Variants in ACER3 observed in about 807,000 individuals in gnomAD.
ACER3 encodes the protein alkaline ceramidase 3, also known as alkCDase 3.
Under a neutral mutation model 48.9 loss-of-function variants are expected in ACER3, and 16 were observed. That is an observed-to-expected ratio of 0.33 (90% confidence interval 0.22 to 0.50). The LOEUF is 0.50. ACER3 is among the 20% of genes least tolerant of loss of function. The pLI, the probability that ACER3 is intolerant of heterozygous loss-of-function variation, is 0.98. For missense variants in ACER3, 227 were observed against 326.0 expected, an observed-to-expected ratio of 0.70 and a Z score of 2.34; for synonymous variants, 109 against 107.8, an observed-to-expected ratio of 1.01 and a Z score of -0.07.
At chr11:76,959,363 C>T (rs1421895255) in intron 3 of ACER3, among the ~76,000 whole-genome samples, 1 of 152,064 alleles carries the variant, frequency 6.6e-6, no homozygotes, top group African/African-American at 2.4e-5. Flanking sequence ...TCTGAGATAC[C>T]TGCATTCTTT....
At chr11:76,964,737 C>A (rs1396793111) in intron 3 of ACER3, among the ~76,000 whole-genome samples, 1 of 151,306 alleles carries the variant, frequency 6.6e-6, no homozygotes, top group East Asian at 1.9e-4. Context: ...CTCCAACAGA[C>A]CTGCAGCTGA....
intron 6 of ACER3, among the ~76,000 whole-genome samples, chr11:76,991,833 GAAAGA>G (rs1948810609): frequency 9.6e-6 from 1 of 103,654 alleles, no homozygotes; most frequent in Non-Finnish European, 2.2e-5. Flanking sequence ...AAAAAAAAAA[GAAAGA>G]AAAGAAAAGA....
intron 1 of ACER3, among the ~76,000 whole-genome samples, chr11:76,908,406 C>CAGCAA (rs1243767237): frequency 2.0e-5 from 3 of 152,142 alleles, no homozygotes; most frequent in Non-Finnish European, 2.9e-5. Context: ...AGCAAAGTCT[C>CAGCAA]AGGATACAAA....
chr11:76,886,017 A>G (rs1367286356), intron 1 of ACER3, among the ~76,000 whole-genome samples: 2 of 152,252 alleles, frequency 1.3e-5, no homozygotes, highest in Non-Finnish European at 2.9e-5. Flanking sequence ...CAAATAAACA[A>G]TTAACCAAGT....
chr11:76,957,370 A>T (rs1947867721), intron 2 of ACER3: 1 of 332,952 alleles, frequency 3.0e-6, no homozygotes, highest in South Asian at 2.3e-5. Context: ...TTTGGATATT[A>T]AACCTTTGAT....
At chr11:76,901,154 C>T (rs1946072664) in intron 1 of ACER3, among the ~76,000 whole-genome samples, 1 of 151,760 alleles carries the variant, frequency 6.6e-6, no homozygotes, top group African/African-American at 2.4e-5. Context: ...AATGGTCCTT[C>T]GGATCCCCTG....
intron 1 of ACER3, among the ~76,000 whole-genome samples, chr11:76,862,191 T>C (rs7119361): frequency 0.73 from 110,382 of 151,948 alleles, 40,505 homozygotes; most frequent in African/African-American, 0.78. Context: ...TTGAGTCCTG[T>C]TCTCAGGCAT....
At chr11:76,959,120 A>T (rs1158016511) in intron 3 of ACER3, 89 bp downstream of exon 3, 2 of 1,599,030 alleles carry the variant, frequency 1.3e-6, no homozygotes, top group East Asian at 2.2e-5. Flanking sequence ...TATGGCTAAA[A>T]GATGGGATTT....
chr11:77,023,110 C>T lies in ACER3; in HGVS notation c.*2783C>T, dbSNP rs1949497647. 7.0e-5 allele frequency: 28 copies of T among 398,584 alleles called. No homozygotes were observed. The East Asian group carries it at 1.0e-3, about 14-fold the overall frequency. 24.7% of individuals were successfully genotyped at this position (398,584 alleles called of 1,614,324 possible). ...ATGGTGTTTCATGAAACATCCCCAC[C>T]ACCTGAAGTGATCTTTTTAATCCTT... On this transcript the variant is annotated 3_prime_UTR_variant, in exon 11 of 11. Coordinates refer to ENST00000532485, the MANE Select transcript of ACER3 (RefSeq NM_018367.7).
chr11:76,933,621 T>G (rs1947079214), intron 2 of ACER3, among the ~76,000 whole-genome samples: 1 of 152,020 alleles, frequency 6.6e-6, no homozygotes. Context: ...ATCAACAGGA[T>G]CCCAAGGCAG....
intron 1 of ACER3, among the ~76,000 whole-genome samples, chr11:76,911,514 T>G (rs759542132): frequency 6.6e-6 from 1 of 152,210 alleles, no homozygotes; most frequent in Non-Finnish European, 1.5e-5. Flanking sequence ...ACCTCCTGTC[T>G]TGTTCCGTGA....
chr11:76,969,299 G>A (rs952584524), intron 3 of ACER3, among the ~76,000 whole-genome samples: 5 of 152,276 alleles, frequency 3.3e-5, no homozygotes, highest in African/African-American at 9.6e-5. Context: ...GAAACAACAC[G>A]TGCTGGAGAG....
intron 1 of ACER3, among the ~76,000 whole-genome samples, chr11:76,892,062 G>A (rs1945820791): frequency 6.6e-6 from 1 of 152,088 alleles, no homozygotes; most frequent in Admixed American, 6.6e-5. Context: ...ACAGCTTCTT[G>A]TTAAAGGGAT....
chr11:76,914,118 G>T (rs7948334), intron 1 of ACER3, among the ~76,000 whole-genome samples: 1 of 151,968 alleles, frequency 6.6e-6, no homozygotes. Context: ...CTAGGCAATA[G>T]CATTCAGGAC....
chr11:77,022,972 A>G lies in ACER3; in HGVS notation c.*2645A>G, dbSNP rs1949496368. On this transcript the variant is annotated 3_prime_UTR_variant, in exon 11 of 11. Coordinates refer to ENST00000532485, the MANE Select transcript of ACER3 (RefSeq NM_018367.7). Reference sequence around the variant, plus strand: ...ATATCCTTCTTGTGCCTCCATTTTCACTCTTGAAAACTGAAAGCAATTTGA... The same window carrying G: ...ATATCCTTCTTGTGCCTCCATTTTCGCTCTTGAAAACTGAAAGCAATTTGA... 1.8e-5 allele frequency: 7 copies of G among 395,144 alleles called. No homozygotes were observed. The highest frequency in any genetic ancestry group is 3.1e-5 in the Non-Finnish European group (7 of 224,526). The allele number at this position is 395,144 out of a possible 1,614,324, so 24.5% of individuals were successfully genotyped here. A position where few individuals can be genotyped will look rare whatever the true frequency, so the allele number is the denominator to read the frequency against.
rs1024934752 is a variant in ACER3 at position 76,970,825 on chromosome 11, T to C, written c.268-5464T>C. On this transcript the variant is annotated intron_variant, in intron 3 of 10. Transcript: ENST00000532485. ...TTGTGGAGCCACTGCCACTATCTAA[T>C]CCCACAACATTTCATCACCCCAAAG... 2.2e-4 allele frequency among the ~76,000 whole-genome samples: 33 copies of C among 152,288 alleles called. 1 individual carries two copies. Among genetic ancestry groups the C allele is most frequent in the African/African-American group, 7.9e-4 (33 of 41,576 alleles).
At chr11:76,936,080 A>G (rs1947174130) in intron 2 of ACER3, among the ~76,000 whole-genome samples, 2 of 152,240 alleles carry the variant, frequency 1.3e-5, no homozygotes, top group African/African-American at 4.8e-5. Context: ...AAAGAGGTTT[A>G]CTGGACTTAC....
chr11:76,913,172 T>C (rs546448133), intron 1 of ACER3, among the ~76,000 whole-genome samples: 1 of 152,196 alleles, frequency 6.6e-6, no homozygotes, highest in Non-Finnish European at 1.5e-5. Flanking sequence ...TCTCTGTTTG[T>C]CTGTTATTGG....
intron 1 of ACER3, among the ~76,000 whole-genome samples, chr11:76,881,979 G>A (rs1279988757): frequency 6.9e-6 from 1 of 144,130 alleles, no homozygotes; most frequent in African/African-American, 2.6e-5. Flanking sequence ...ATTAGGATCT[G>A]TTTAGGATTA....
Sources: gnomAD v4.1 joint callset for allele counts (sites outside exome capture counted in the v4.1 genomes callset) on GRCh38, gnomAD v4.1.1 for gene constraint, MANE v1.5 for transcripts, NCBI Gene and HGNC (gene_info 2026-07-23, HGNC 2026-07-21) for gene names.